Variants in GAN observed in about 807,000 individuals in gnomAD.
GAN encodes epididymis secretory sperm binding protein.
Under a neutral mutation model 71.3 loss-of-function variants are expected in GAN, and 48 were observed. The observed-to-expected ratio is 0.67, with a 90% CI of 0.53 to 0.86. GAN has a LOEUF of 0.86. Among genes scored for constraint, GAN ranks in the 40% least tolerant of loss-of-function variants. The pLI, the probability that GAN is intolerant of heterozygous loss-of-function variation, is 0.00. For synonymous variants in GAN, 386 were observed against 276.8 expected, an observed-to-expected ratio of 1.39 and a Z score of -3.92; for missense variants, 928 against 770.1, an observed-to-expected ratio of 1.21 and a Z score of -2.43.
intron 2 of GAN, among the ~76,000 whole-genome samples, chr16:81,352,053 C>T (rs565881703): frequency 2.6e-5 from 4 of 152,136 alleles, no homozygotes; most frequent in Non-Finnish European, 5.9e-5. Context: ...ATCCATATGA[C>T]TGGGGATACA....
chr16:81,317,600 G>A (rs952310128), intron 1 of GAN, among the ~76,000 whole-genome samples: 1 of 152,168 alleles, frequency 6.6e-6, no homozygotes, highest in East Asian at 1.9e-4. Flanking sequence ...AGAAAATAGG[G>A]GCTCAGTGGA....
chr16:81,343,230 G>C (rs200824560), intron 1 of GAN, among the ~76,000 whole-genome samples: 4 of 152,102 alleles, frequency 2.6e-5, no homozygotes, highest in Non-Finnish European at 5.9e-5. Context: ...AAACTATTCC[G>C]ATCAATAGAA....
intron 1 of GAN, among the ~76,000 whole-genome samples, chr16:81,337,415 T>A (rs2150675852): frequency 6.6e-6 from 1 of 152,322 alleles, no homozygotes; most frequent in East Asian, 1.9e-4. Context: ...GAGACAAGCT[T>A]TTACATCAGA....
Position 81,390,181 on chromosome 16 carries a change from T to C in GAN, c.*12585T>C, listed in dbSNP as rs754029693. On this transcript the variant is annotated 3_prime_UTR_variant, in exon 11 of 11. Coordinates refer to ENST00000648994, the MANE Select transcript of GAN (RefSeq NM_022041.4). ...GGCAGGTTTAGAAAGTTCAAAATAT[T>C]GGAAGTGCTAGAAGGCTGCAACTTG... 1 of 152,174 alleles carries C rather than the reference T, an allele frequency of 6.6e-6. No homozygotes were observed. Among genetic ancestry groups the C allele is most frequent in the Non-Finnish European group, 1.5e-5 (1 of 68,024 alleles). 9.4% of individuals were successfully genotyped at this position (152,174 alleles called of 1,614,324 possible).
intron 1 of GAN, among the ~76,000 whole-genome samples, chr16:81,336,975 T>TTC (rs2150675616): frequency 6.6e-6 from 1 of 152,194 alleles, no homozygotes; most frequent in East Asian, 1.9e-4. Context: ...GACGTCAGGG[T>TTC]TCACTCTTGG....
In GAN at chr16:81,362,545, T is replaced by A. The variant is rs1404742641; in HGVS notation, c.1020T>A (p.Thr340=). The part of the protein sequence containing the change: ...VFGGQDENKQ[T]LSSGEKYDPD... The stretch of plus-strand genomic sequence containing the variant: ...GGGGCCAAGATGAAAATAAGCAGAC[T>A]CTTAGCTCAGGAGAAAAGTATGATC... The change falls in exon 6 of 11, where the codon ACT becomes ACA. Residue 340 remains threonine, a synonymous_variant. Transcript: ENST00000648994. The A allele has an allele frequency of 2.5e-6, 4 of 1,611,152 alleles. No homozygotes were observed. Among genetic ancestry groups the A allele is most frequent in the Non-Finnish European group, 3.4e-6 (4 of 1,177,292 alleles).
chr16:81,350,975 C>A (rs1222705573), intron 1 of GAN, among the ~76,000 whole-genome samples: 1 of 152,194 alleles, frequency 6.6e-6, no homozygotes, highest in Non-Finnish European at 1.5e-5. Flanking sequence ...GTGTGATATG[C>A]ACACCTCTAT....
chr16:81,319,194 A>T (rs1245926012), intron 1 of GAN, among the ~76,000 whole-genome samples: 1 of 102,594 alleles, frequency 9.7e-6, no homozygotes, highest in African/African-American at 3.7e-5. Flanking sequence ...TTAAAAAAAA[A>T]ATAGATATAG....
At position 81,377,686 on chromosome 16, in the gene GAN, C is replaced by A. The variant is rs559578664; in HGVS notation, c.*90C>A. 4.4e-6 allele frequency: 5 copies of A among 1,142,152 alleles called. No homozygotes were observed. Among genetic ancestry groups the A allele is most frequent in the African/African-American group, 3.0e-5 (2 of 65,910 alleles). The allele number at this position is 1,142,152 out of a possible 1,614,324, so 70.8% of individuals were successfully genotyped here. On this transcript the variant is annotated 3_prime_UTR_variant, in exon 11 of 11. Coordinates refer to ENST00000648994, the MANE Select transcript of GAN (RefSeq NM_022041.4). ...GAGCAGAGATGGCAGCTGAAACTCA[C>A]TCTGTGCTGGGCTTTGGTATGGTAA...
intron 1 of GAN, among the ~76,000 whole-genome samples, chr16:81,347,573 A>T (rs949097554): frequency 3.3e-5 from 5 of 152,096 alleles, no homozygotes; most frequent in African/African-American, 1.2e-4. Context: ...CATCCCGAGA[A>T]AGGTTGCATG....
In GAN at chr16:81,377,908, A is replaced by G. The variant is rs1904287615; in HGVS notation, c.*312A>G. 1 of 402,780 alleles carries G rather than the reference A, an allele frequency of 2.5e-6. No individual in the cohort carries two copies. The highest frequency in any genetic ancestry group is 2.0e-5 in the African/African-American group (1 of 49,518). 25.0% of individuals were successfully genotyped at this position (402,780 alleles called of 1,614,324 possible). ...TGCTATCATGTAAAATATCAAAGTT[A>G]AAATACTAAGGTGCATTTTCCCTGA... On this transcript the variant is annotated 3_prime_UTR_variant, in exon 11 of 11. Coordinates refer to ENST00000648994, the MANE Select transcript of GAN (RefSeq NM_022041.4).
chr16:81,330,808 A>G (rs1471653152), intron 1 of GAN, among the ~76,000 whole-genome samples: 3 of 152,340 alleles, frequency 2.0e-5, no homozygotes, highest in East Asian at 3.8e-4. Context: ...TAACCAAGTG[A>G]CCAAGGTCAG....
chr16:81,372,692 G>T (rs572803279), intron 9 of GAN, among the ~76,000 whole-genome samples: 1 of 152,144 alleles, frequency 6.6e-6, no homozygotes, highest in Non-Finnish European at 1.5e-5. Flanking sequence ...GTCATTCCGG[G>T]GATGAACTAT....
At chr16:81,324,567 A>T (rs1033721095) in intron 1 of GAN, among the ~76,000 whole-genome samples, 3 of 152,082 alleles carry the variant, frequency 2.0e-5, no homozygotes, top group African/African-American at 7.2e-5. Context: ...TCGACAACAG[A>T]TTAGAGGCTG....
intron 3 of GAN, among the ~76,000 whole-genome samples, chr16:81,355,048 A>G (rs1910439909): frequency 6.6e-6 from 1 of 152,232 alleles, no homozygotes; most frequent in African/African-American, 2.4e-5. Flanking sequence ...TGGAGATTAT[A>G]GAAACGCAGT....
intron 1 of GAN, among the ~76,000 whole-genome samples, chr16:81,319,706 C>T (rs1909163453): frequency 6.6e-6 from 1 of 152,024 alleles, no homozygotes; most frequent in Admixed American, 6.5e-5. Flanking sequence ...TGGCTTCCCC[C>T]CGACCCCCCC....
chr16:81,326,405 T>TG (rs139366307), intron 1 of GAN, among the ~76,000 whole-genome samples: 4,316 of 151,080 alleles, frequency 0.029, 80 homozygotes, highest in Non-Finnish European at 0.046. Context: ...TGGTGGCACA[T>TG]GCCTGTAATC....
rs866623939 is a variant in GAN, at chr16:81,384,177, G to A, written c.*6581G>A. ...CAGCTACCTCATTATGTAGTATTGT[G>A]CTTGATCCCCTGCCAATTGAGAAGA... On this transcript the variant is annotated 3_prime_UTR_variant, in exon 11 of 11. Coordinates refer to ENST00000648994, the MANE Select transcript of GAN (RefSeq NM_022041.4). The A allele has an allele frequency of 1.3e-5, 2 of 151,760 alleles. No homozygotes were observed. Among genetic ancestry groups the A allele is most frequent in the African/African-American group, 4.8e-5 (2 of 41,310 alleles). 9.4% of individuals were successfully genotyped at this position (151,760 alleles called of 1,614,324 possible). A position where few individuals can be genotyped will look rare whatever the true frequency, so the allele number is the denominator to read the frequency against.
chr16:81,377,923 A>T lies in GAN; in HGVS notation c.*327A>T. The T allele has an allele frequency of 2.7e-6, 1 of 364,028 alleles. No homozygotes were observed. Among genetic ancestry groups the T allele is most frequent in the Non-Finnish European group, 5.2e-6 (1 of 192,562 alleles). 22.5% of individuals were successfully genotyped at this position (364,028 alleles called of 1,614,324 possible). On this transcript the variant is annotated 3_prime_UTR_variant, in exon 11 of 11. Transcript: ENST00000648994. ...TATCAAAGTTAAAATACTAAGGTGCATTTTCCCTGAAGGGAACTCATGTCT... is the reference window on the plus strand; with the variant it reads ...TATCAAAGTTAAAATACTAAGGTGCTTTTTCCCTGAAGGGAACTCATGTCT...
Sources: allele counts gnomAD v4.1 joint callset (sites outside exome capture counted in the v4.1 genomes callset), GRCh38; gene constraint gnomAD v4.1.1; transcripts MANE v1.5; gene names NCBI Gene and HGNC (gene_info 2026-07-23, HGNC 2026-07-21).